ZBTB7C: variants seen among roughly 807,000 people sequenced by gnomAD.
ZBTB7C encodes the protein zinc finger and BTB domain containing 7C.
A neutral mutation model predicts 25.7 loss-of-function variants in ZBTB7C; 8 were observed. The ratio of observed to expected loss-of-function variants is 0.31; its 90% CI spans 0.18 to 0.56. ZBTB7C has a LOEUF of 0.56. Among genes scored for constraint, ZBTB7C ranks in the 20% least tolerant of loss-of-function variants. ZBTB7C has a pLI of 0.91. For missense variants in ZBTB7C, 824 were observed against 855.2 expected, an observed-to-expected ratio of 0.96 and a Z score of 0.46; for synonymous variants, 394 against 369.0, an observed-to-expected ratio of 1.07 and a Z score of -0.78.
intron 3 of ZBTB7C, chr18:48,165,076 C>T (rs1049621459): frequency 1.6e-6 from 2 of 1,278,678 alleles, no homozygotes; most frequent in African/African-American, 3.0e-5. Context: ...TGTGCTTGAA[C>T]ACATTCCCAC....
chr18:48,102,489 C>T (rs1451441242), intron 3 of ZBTB7C, among the ~76,000 whole-genome samples: 1 of 150,292 alleles, frequency 6.7e-6, no homozygotes, highest in Non-Finnish European at 1.5e-5. Context: ...CACTTGAGCC[C>T]ACAAGTTTGA....
intron 3 of ZBTB7C, among the ~76,000 whole-genome samples, chr18:48,111,464 T>C (rs970280662): frequency 2.0e-5 from 3 of 152,170 alleles, no homozygotes; most frequent in Non-Finnish European, 2.9e-5. Flanking sequence ...TATGTCATTT[T>C]CCCCCCATTT....
chr18:48,232,362 G>T (rs1366535797), intron 2 of ZBTB7C, among the ~76,000 whole-genome samples: 1 of 152,130 alleles, frequency 6.6e-6, no homozygotes, highest in Non-Finnish European at 1.5e-5. Flanking sequence ...GACTAGAACT[G>T]TCAGAAAATA....
chr18:48,226,920 T>G (rs2043111459), intron 2 of ZBTB7C, among the ~76,000 whole-genome samples: 1 of 147,928 alleles, frequency 6.8e-6, no homozygotes, highest in Non-Finnish European at 1.5e-5. Flanking sequence ...CTCGGGAGGC[T>G]GAGGCAGGAG....
chr18:48,100,040 G>T (rs975881633), intron 3 of ZBTB7C, among the ~76,000 whole-genome samples: 3 of 152,168 alleles, frequency 2.0e-5, no homozygotes, highest in Admixed American at 2.0e-4. Flanking sequence ...TCTGGCAGCA[G>T]CAGATGACTG....
chr18:48,059,738 C>G (rs1159721607), intron 3 of ZBTB7C, among the ~76,000 whole-genome samples: 2 of 152,186 alleles, frequency 1.3e-5, no homozygotes, highest in African/African-American at 4.8e-5. Context: ...TACACTTAAT[C>G]CCACAGAACA....
At chr18:48,343,673 C>T (rs111843411) in intron 1 of ZBTB7C, among the ~76,000 whole-genome samples, 1 of 152,122 alleles carries the variant, frequency 6.6e-6, no homozygotes, top group Non-Finnish European at 1.5e-5. Flanking sequence ...AGGAGTGGGT[C>T]GGGAGTGGTG....
intron 1 of ZBTB7C, among the ~76,000 whole-genome samples, chr18:48,346,382 A>T (rs1234374809): frequency 2.0e-5 from 3 of 152,192 alleles, no homozygotes; most frequent in Non-Finnish European, 4.4e-5. Flanking sequence ...CCCATGAGTC[A>T]TGCCCTGGTT....
intron 2 of ZBTB7C, among the ~76,000 whole-genome samples, chr18:48,202,779 G>A (rs184850175): frequency 2.5e-3 from 373 of 152,074 alleles, no homozygotes; most frequent in Middle Eastern, 3.4e-3. Flanking sequence ...TGCACTGGGT[G>A]CCCTCTCCCC....
chr18:48,366,672 A>T (rs2047228041), intron 1 of ZBTB7C, among the ~76,000 whole-genome samples: 1 of 152,208 alleles, frequency 6.6e-6, no homozygotes, highest in African/African-American at 2.4e-5. Context: ...AGGAAACATA[A>T]ATGCATTTTC....
chr18:48,044,101 G>T (rs904321183), intron 3 of ZBTB7C, among the ~76,000 whole-genome samples: 7 of 152,170 alleles, frequency 4.6e-5, no homozygotes, highest in African/African-American at 1.4e-4. Context: ...GAGGGGCCAG[G>T]TTCTGTTCTG....
At chr18:48,316,903 G>T (rs889260505) in intron 2 of ZBTB7C, among the ~76,000 whole-genome samples, 1 of 152,240 alleles carries the variant, frequency 6.6e-6, no homozygotes, top group Admixed American at 6.5e-5. Context: ...GTAAAATGGG[G>T]ATATGTGTAT....
intron 2 of ZBTB7C, among the ~76,000 whole-genome samples, chr18:48,229,012 G>T (rs1374992444): frequency 6.6e-6 from 1 of 152,166 alleles, no homozygotes; most frequent in Non-Finnish European, 1.5e-5. Flanking sequence ...GATTGTGCGA[G>T]GCTGGAGGTG....
upstream of ZBTB7C, among the ~76,000 whole-genome samples, chr18:48,411,042 T>C (rs893180027): frequency 1.9e-4 from 28 of 145,294 alleles, no homozygotes; most frequent in Admixed American, 6.6e-5. Context: ...ATATCACTTA[T>C]TGGGATTTTT....
intron 1 of ZBTB7C, among the ~76,000 whole-genome samples, chr18:48,389,236 C>CTCTCGTGT (rs2047833632): frequency 3.2e-4 from 20 of 62,376 alleles, no homozygotes; most frequent in African/African-American, 1.3e-3. Context: ...CTCTCTCTCT[C>CTCTCGTGT]GTGTGTGTGT....
chr18:48,282,840 T>A (rs1457712842), intron 2 of ZBTB7C, among the ~76,000 whole-genome samples: 1 of 152,236 alleles, frequency 6.6e-6, no homozygotes, highest in African/African-American at 2.4e-5. Context: ...GGACAATGGT[T>A]ACCCTTAGGA....
chr18:48,247,235 T>C (rs1236946939), intron 2 of ZBTB7C, among the ~76,000 whole-genome samples: 2 of 152,186 alleles, frequency 1.3e-5, no homozygotes, highest in African/African-American at 2.4e-5. Context: ...TCAGAATATA[T>C]AAAGATGCCT....
rs537898674 is a variant in ZBTB7C at position 48,246,439 on chromosome 18, T to C, written c.-78-60444A>G. Among the ~76,000 whole-genome samples, 9 of 149,958 alleles carry C rather than the reference T, an allele frequency of 6.0e-5. 1 individual carries two copies. The highest frequency in any genetic ancestry group is 6.0e-4 in the Admixed American group (9 of 15,090). ...AGCGAGACTCTGTCTCAAAAAAAAA[T>C]AAATAATAAAATAATAATAATAATA... On this transcript the variant is annotated intron_variant, in intron 2 of 4. Transcript: ENST00000590800.
chr18:48,322,322 T>C (rs1317750029), intron 2 of ZBTB7C, among the ~76,000 whole-genome samples: 1 of 152,170 alleles, frequency 6.6e-6, no homozygotes. Flanking sequence ...GACCTCCACC[T>C]ACTCAATGCC....
Sources: gnomAD v4.1 joint callset for allele counts (sites outside exome capture counted in the v4.1 genomes callset) on GRCh38, gnomAD v4.1.1 for gene constraint, MANE v1.5 for transcripts, NCBI Gene and HGNC (gene_info 2026-07-23, HGNC 2026-07-21) for gene names.